Variants in LMF1 observed in about 807,000 individuals in gnomAD.
LMF1 encodes lipase maturation factor 1, also known as transmembrane protein 112.
Under a neutral mutation model 60.6 loss-of-function variants are expected in LMF1, and 68 were observed. The observed-to-expected ratio is 1.12, with a 90% CI of 0.92 to 1.37. The LOEUF is 1.37. LMF1 is among the 40% of genes most tolerant of loss of function. The pLI, the probability that LMF1 is intolerant of heterozygous loss-of-function variation, is 0.00. For missense variants in LMF1, 948 were observed against 767.2 expected (o/e 1.24, Z -2.78); for synonymous variants, 418 against 324.7 (o/e 1.29, Z -3.09).
At chr16:915,780 C>T (rs547834928) in intron 3 of LMF1, among the ~76,000 whole-genome samples, 4 of 152,200 alleles carry the variant, frequency 2.6e-5, no homozygotes, top group Non-Finnish European at 4.4e-5. Context: ...CAGGGTGGGG[C>T]GACTGCGGTG....
chr16:917,853 T>A (rs185701161), intron 3 of LMF1, among the ~76,000 whole-genome samples: 249 of 152,338 alleles, frequency 1.6e-3, no homozygotes, highest in Admixed American at 0.012. Flanking sequence ...TGCAGCTCCC[T>A]GGCCTGTGGT....
intron 3 of LMF1, among the ~76,000 whole-genome samples, chr16:924,509 G>A (rs1342287840): frequency 6.6e-6 from 1 of 152,168 alleles, no homozygotes; most frequent in Non-Finnish European, 1.5e-5. Context: ...AAAACCCTGA[G>A]CATGTGGCAT....
chr16:960,607 A>G, intron 1 of LMF1, among the ~76,000 whole-genome samples: 1 of 69,118 alleles, frequency 1.4e-5, no homozygotes, highest in African/African-American at 5.3e-5. Context: ...ACTCACGGTG[A>G]CAACACGGGA....
At chr16:980,078 G>C (rs2151514318) in intron 1 of LMF1, 1 of 301,336 alleles carries the variant, frequency 3.3e-6, no homozygotes, top group Admixed American at 4.3e-5. Flanking sequence ...ACGATGCGTG[G>C]AGCCTCCCAA....
rs551760364 is a variant in LMF1, at chr16:880,908, C to T, written c.730-1171G>A. ...TTGCCTTTGTGGAGGGGCCTGCCCGCATGCTGCTCAGGGCTGAAGGCCTTG... is the reference window on the plus strand; with the variant it reads ...TTGCCTTTGTGGAGGGGCCTGCCCGTATGCTGCTCAGGGCTGAAGGCCTTG... On this transcript the variant is annotated intron_variant, in intron 5 of 10. Coordinates refer to ENST00000262301, the MANE Select transcript of LMF1 (RefSeq NM_022773.4). 5.9e-5 allele frequency among the ~76,000 whole-genome samples: 9 copies of T among 152,368 alleles called. 1 individual carries two copies. The highest frequency in any genetic ancestry group is 1.9e-4 in the African/African-American group (8 of 41,584).
chr16:894,479 C>T, intron 4 of LMF1, among the ~76,000 whole-genome samples: 1 of 151,902 alleles, frequency 6.6e-6, no homozygotes, highest in Non-Finnish European at 1.5e-5. Flanking sequence ...CGACTTCTAC[C>T]TGGCACATAA....
At chr16:859,912 G>C (rs1394593619) in intron 10 of LMF1, among the ~76,000 whole-genome samples, 1 of 143,112 alleles carries the variant, frequency 7.0e-6, no homozygotes, top group Non-Finnish European at 1.5e-5. Context: ...GGTGTGCAGT[G>C]GTGTCACGGG....
At chr16:884,106 C>G (rs954087612) in intron 5 of LMF1, 1 of 152,212 alleles carries the variant, frequency 6.6e-6, no homozygotes, top group South Asian at 2.1e-4. Context: ...TGTGAAATGG[C>G]CTCTTTACTC....
Position 954,308 on chromosome 16 carries a change from T to C in LMF1, c.503+49A>G, listed in dbSNP as rs765716613. 21 of 1,568,238 alleles carry C rather than the reference T, an allele frequency of 1.3e-5. No individual in the cohort carries two copies. The South Asian group carries it at 2.2e-4, about 16-fold the overall frequency. ...GCCAGGACACCTGCAGTGCCTGTGC[T>C]GAGTGACAGCAAGCCCTAAGCTCCG... On this transcript the variant is annotated intron_variant, in intron 2 of 10. Coordinates refer to ENST00000262301, the MANE Select transcript of LMF1 (RefSeq NM_022773.4).
At chr16:858,763 C>A in intron 10 of LMF1, among the ~76,000 whole-genome samples, 1 of 91,298 alleles carries the variant, frequency 1.1e-5, no homozygotes, top group East Asian at 2.9e-4. Flanking sequence ...ACTGGTGTCA[C>A]GGGACGGGTG....
rs2069113688 is a variant in LMF1, at chr16:853,860, C to T, written c.*672G>A. ...TGGGTGTGCGCTGTGTCCATCTGCA[C>T]CTCACAGACACCAGTCATGGGGGGA... is the stretch of plus-strand genomic sequence containing the variant. On this transcript the variant is annotated 3_prime_UTR_variant, in exon 11 of 11. Transcript: ENST00000262301. 2.2e-6 allele frequency: 1 copy of T among 454,084 alleles called. No individual in the cohort carries two copies. The highest frequency in any genetic ancestry group is 1.6e-5 in the South Asian group (1 of 64,474). The allele number at this position is 454,084 out of a possible 1,614,324, so 28.1% of individuals were successfully genotyped here.
intron 2 of LMF1, 173 bp downstream of exon 2, chr16:954,184 G>A: frequency 1.4e-6 from 1 of 735,444 alleles, no homozygotes; most frequent in Non-Finnish European, 2.4e-6. Context: ...ATGGGTGGCT[G>A]CTGTGGCTGG....
chr16:882,355 G>A lies in LMF1; in HGVS notation c.730-2618C>T, dbSNP rs548283854. ...TCAGCTTTGGCCAAGAGAATGCAGC[G>A]TGAGTGATGTTCTGAACTTTCAAGC... On this transcript the variant is annotated intron_variant, in intron 5 of 10. Coordinates refer to ENST00000262301, the MANE Select transcript of LMF1 (RefSeq NM_022773.4). Among the ~76,000 whole-genome samples, 14 of 152,350 alleles carry A rather than the reference G, an allele frequency of 9.2e-5. No individual in the cohort carries two copies. The East Asian group carries it at 1.9e-3, about 21-fold the overall frequency.
chr16:899,078 C>T (rs1437859440), intron 4 of LMF1: 1 of 152,266 alleles, frequency 6.6e-6, no homozygotes, highest in East Asian at 1.9e-4. Flanking sequence ...CAGGAGAGCA[C>T]TGTCCTGTGT....
intron 1 of LMF1, chr16:979,994 C>T: frequency 2.9e-6 from 1 of 341,690 alleles, no homozygotes; most frequent in South Asian, 2.2e-5. Flanking sequence ...TCTTCCCAGG[C>T]AGGTGCCGGA....
Position 870,814 on chromosome 16 carries a change from C to CCACGGG in LMF1, c.1141_1146dup (p.Pro381_Val382dup), listed in dbSNP as rs759867417. On this transcript the variant is annotated inframe_insertion, in exon 8 of 11. Transcript: ENST00000262301. ...TGCCTGGAGCTCAGCAAGTTGAGGA[C>CCACGGG]CACGGGCACGCTGAGCCAGGCCAGC... is the stretch of plus-strand genomic sequence containing the variant. 46 of 1,612,560 alleles carry CCACGGG rather than the reference C, an allele frequency of 2.9e-5. No homozygotes were observed. Among genetic ancestry groups the CCACGGG allele is most frequent in the Non-Finnish European group, 3.7e-5 (44 of 1,179,794 alleles).
At position 874,726 on chromosome 16, in the gene LMF1, G is replaced by A. The variant is rs1349653509; in HGVS notation, c.898-3385C>T. On this transcript the variant is annotated intron_variant, in intron 6 of 10. Transcript: ENST00000262301. This position sits in a 1 kb window ranked among gnomAD's most constrained non-coding sequence, Gnocchi z 4.1. ...AACACACGGAACCAGGACGGGATCC[G>A]GGGAGGCGGCGCTCAGATGGGAACA... Among the ~76,000 whole-genome samples, 4 of 151,680 alleles carry A rather than the reference G, an allele frequency of 2.6e-5. No individual in the cohort carries two copies. Among genetic ancestry groups the A allele is most frequent in the Admixed American group, 1.3e-4 (2 of 15,228 alleles).
At chr16:963,190 C>G (rs947979022) in intron 1 of LMF1, among the ~76,000 whole-genome samples, 8 of 152,236 alleles carry the variant, frequency 5.3e-5, no homozygotes, top group African/African-American at 1.9e-4. Context: ...AACAGGGCTG[C>G]AGCAGAAGGC....
At chr16:968,000 C>T (rs894374250) in intron 1 of LMF1, among the ~76,000 whole-genome samples, 6 of 152,340 alleles carry the variant, frequency 3.9e-5, no homozygotes, top group African/African-American at 7.2e-5. Flanking sequence ...GTGAAAATGC[C>T]GCTTTCCGCT....
Sources: gnomAD v4.1 joint callset for allele counts (sites outside exome capture counted in the v4.1 genomes callset) on GRCh38, gnomAD v4.1.1 for gene constraint, Gnocchi (gnomAD v3.1) non-coding constraint, MANE v1.5 for transcripts, NCBI Gene and HGNC (gene_info 2026-07-23, HGNC 2026-07-21) for gene names.